FERMT2: variants seen among roughly 807,000 people sequenced by gnomAD.
The protein encoded by FERMT2 is fermitin family homolog 2.
In FERMT2, 15 loss-of-function variants were observed where a neutral mutation model predicts 82.7. The ratio of observed to expected loss-of-function variants is 0.18; its 90% CI spans 0.12 to 0.28. The LOEUF is 0.28. FERMT2 is among the 10% of genes least tolerant of loss of function. The pLI, the probability that FERMT2 is intolerant of heterozygous loss-of-function variation, is 1.00. For synonymous variants in FERMT2, 274 were observed against 271.5 expected, an observed-to-expected ratio of 1.01 and a Z score of -0.09; for missense variants, 645 against 809.4, an observed-to-expected ratio of 0.80 and a Z score of 2.46.
intron 10 of FERMT2, 38 bp from the exon 11 acceptor site, chr14:52,864,891 C>A: frequency 8.4e-7 from 1 of 1,190,042 alleles, no homozygotes. Context: ...GCTAAATTTA[C>A]TTTTAAGAAA....
At chr14:52,879,508 C>T (rs1886169030) in intron 6 of FERMT2, among the ~76,000 whole-genome samples, 1 of 152,140 alleles carries the variant, frequency 6.6e-6, no homozygotes, top group Non-Finnish European at 1.5e-5. Flanking sequence ...GAATGCTCAA[C>T]ATGTATTTTA....
At chr14:52,882,453 CTTTA>C (rs1189834303) in intron 4 of FERMT2, among the ~76,000 whole-genome samples, 1 of 152,068 alleles carries the variant, frequency 6.6e-6, no homozygotes, top group African/African-American at 2.4e-5. Context: ...GTATGTGCTC[CTTTA>C]TTTAAACTAC....
chr14:52,896,321 C>T (rs1887252358), intron 3 of FERMT2, among the ~76,000 whole-genome samples: 1 of 152,190 alleles, frequency 6.6e-6, no homozygotes, highest in East Asian at 1.9e-4. Context: ...TTGCTAATTA[C>T]TGGATCAAAA....
Position 52,881,250 on chromosome 14 carries a change from T to G in FERMT2, c.746A>C (p.Asn249Thr), listed in dbSNP as rs752263194. Residue 249 changes from asparagine to threonine, a missense_variant, in exon 5 of 15, where the codon AAC becomes ACC. Transcript: ENST00000341590. ...TCTATATCTTAAAACTTACCCTTGG[T>G]TGATTTTTGCTTTATCAAGAAGAGC... is the stretch of plus-strand genomic sequence containing the variant. ...PQALLDKAKI[N>T]QGWLDSSRSL... The G allele has an allele frequency of 2.5e-6, 4 of 1,613,702 alleles. No individual in the cohort carries two copies. The South Asian group carries it at 4.4e-5, about 18-fold the overall frequency.
At chr14:52,900,017 T>C (rs937470733) in intron 3 of FERMT2, among the ~76,000 whole-genome samples, 1 of 152,218 alleles carries the variant, frequency 6.6e-6, no homozygotes. Context: ...CAATTTTACA[T>C]TTCAATAAGG....
At chr14:52,945,342 C>T (rs1890290578) in intron 2 of FERMT2, among the ~76,000 whole-genome samples, 1 of 151,888 alleles carries the variant, frequency 6.6e-6, no homozygotes, top group Admixed American at 6.6e-5. Flanking sequence ...CATCCGCCTC[C>T]CAGGTTCAAG....
chr14:52,893,414 G>A lies in FERMT2; in HGVS notation c.405C>T (p.Pro135=), dbSNP rs372836971. 116 of 1,600,390 alleles carry A rather than the reference G, an allele frequency of 7.2e-5. 2 individuals carry two copies. The highest frequency in any genetic ancestry group is 3.3e-4 in the Admixed American group (19 of 57,224). ...GTTTCTTTAAGAGAGAAAGTTCTTC[G>A]GGGTGTCTGATATCTGTTAATAAAA... ...DICKTFNIRH[P]EELSLLKKPR... Residue 135 remains proline (P), a synonymous_variant, in exon 4 of 15, where the codon CCC becomes CCT. Transcript: ENST00000341590.
chr14:52,872,228 T>C (rs888404278), intron 10 of FERMT2: 2 of 152,996 alleles, frequency 1.3e-5, no homozygotes, highest in African/African-American at 4.8e-5. Flanking sequence ...ATGCTGAAGA[T>C]CAAAAGACAA....
rs186229021 is a variant in FERMT2 at position 52,872,780 on chromosome 14, C to T, written c.1273+19G>A. 3.3e-5 allele frequency: 53 copies of T among 1,612,558 alleles called. No individual in the cohort carries two copies. The highest frequency in any genetic ancestry group is 2.3e-4 in the Admixed American group (14 of 59,916). On this transcript the variant is annotated intron_variant, in intron 10 of 14. Coordinates refer to ENST00000341590, the MANE Select transcript of FERMT2 (RefSeq NM_006832.3). ...TGGGGATGCCACCATCAACAACAGCCGTGCCAGGCTCTCCTTACCCCTGAG... is the reference window on the plus strand; with the variant it reads ...TGGGGATGCCACCATCAACAACAGCTGTGCCAGGCTCTCCTTACCCCTGAG...
intron 3 of FERMT2, among the ~76,000 whole-genome samples, chr14:52,912,086 A>C (rs1888348798): frequency 6.6e-6 from 1 of 151,238 alleles, no homozygotes; most frequent in Non-Finnish European, 1.5e-5. Context: ...TGCTGCCAGC[A>C]TGAGAAGACA....
rs113954481 is a variant in FERMT2, at chr14:52,910,010, G to A, written c.391+9113C>T. 5.5e-3 allele frequency among the ~76,000 whole-genome samples: 842 copies of A among 152,152 alleles called. 8 individuals are homozygous for A. The highest frequency in any genetic ancestry group is 0.019 in the African/African-American group (784 of 41,502). Reference sequence around the variant, plus strand: ...AGAGGCTGCAGTGAGCTGAGATTGCGCCACTGCACTCCAGCCTGGCGACAG... The same window carrying A: ...AGAGGCTGCAGTGAGCTGAGATTGCACCACTGCACTCCAGCCTGGCGACAG... On this transcript the variant is annotated intron_variant, in intron 3 of 14. Coordinates refer to ENST00000341590, the MANE Select transcript of FERMT2 (RefSeq NM_006832.3).
At chr14:52,867,029 A>C (rs180940818) in intron 10 of FERMT2, among the ~76,000 whole-genome samples, 60 of 146,620 alleles carry the variant, frequency 4.1e-4, no homozygotes, top group Admixed American at 3.8e-3. Flanking sequence ...ACCACAACCT[A>C]CCTCCCTTTT....
At position 52,873,800 on chromosome 14, in the gene FERMT2, T is replaced by G. The variant is rs1181415609; in HGVS notation, c.1148+377A>C. On this transcript the variant is annotated intron_variant, in intron 9 of 14. Coordinates refer to ENST00000341590, the MANE Select transcript of FERMT2 (RefSeq NM_006832.3). ...ATGTTCCATGAACAAATGAACAGAG[T>G]TCAATAGAATCTTGCGCTCTGAACG... The G allele has an allele frequency of 3.6e-5, 6 of 164,894 alleles. No homozygotes were observed. In the Admixed American group the frequency reaches 3.8e-4, roughly 11 times the overall value. 10.2% of individuals were successfully genotyped at this position (164,894 alleles called of 1,614,324 possible).
chr14:52,871,592 G>A (rs1281247166), intron 10 of FERMT2: 1 of 152,288 alleles, frequency 6.6e-6, no homozygotes, highest in Non-Finnish European at 1.5e-5. Context: ...AGCTGAGCCA[G>A]GGCATCATCA....
intron 6 of FERMT2, among the ~76,000 whole-genome samples, chr14:52,880,717 A>C (rs1210968882): frequency 6.6e-6 from 1 of 152,146 alleles, no homozygotes; most frequent in Non-Finnish European, 1.5e-5. Flanking sequence ...CCAGTTCTAT[A>C]GTACCAAAAG....
At chr14:52,897,589 C>T (rs77650471) in intron 3 of FERMT2, among the ~76,000 whole-genome samples, 13,507 of 152,154 alleles carry the variant, frequency 0.089, 738 homozygotes, top group East Asian at 0.2. Flanking sequence ...TTTATATAAA[C>T]ATTGTCCATG....
At chr14:52,943,540 T>C (rs1890190987) in intron 2 of FERMT2, among the ~76,000 whole-genome samples, 1 of 152,188 alleles carries the variant, frequency 6.6e-6, no homozygotes, top group Admixed American at 6.5e-5. Flanking sequence ...TGAAAATGGA[T>C]GCATATTAGA....
chr14:52,928,066 TA>T (rs1371564789), intron 2 of FERMT2: 1 of 351,600 alleles, frequency 2.8e-6, no homozygotes, highest in East Asian at 7.5e-5. Context: ...GTAAGCAACT[TA>T]GAGTTTGGAA....
At chr14:52,927,592 T>TAAAAAAAAAA (rs71125150) in intron 2 of FERMT2, among the ~76,000 whole-genome samples, 534 of 33,724 alleles carry the variant, frequency 0.016, 66 homozygotes, top group Non-Finnish European at 0.021. Flanking sequence ...CTCATCCCTA[T>TAAAAAAAAAA]AAAAAAAAAA....
Sources: gnomAD v4.1 joint callset for allele counts (sites outside exome capture counted in the v4.1 genomes callset) on GRCh38, gnomAD v4.1.1 for gene constraint, MANE v1.5 for transcripts, NCBI Gene and HGNC (gene_info 2026-07-23, HGNC 2026-07-21) for gene names.